The following SRSF4 variants were observed in gnomAD, a reference collection of about 807,000 sequenced individuals.
SRSF4 encodes serine and arginine rich splicing factor 4.
In SRSF4, 12 loss-of-function variants were observed where a neutral mutation model predicts 48.8. That is an observed-to-expected ratio of 0.25 (90% CI 0.16 to 0.40). The LOEUF (loss-of-function observed/expected upper bound fraction) is 0.40. Among genes scored for constraint, SRSF4 ranks in the 10% least tolerant of loss-of-function variants. The pLI is 1.00. For synonymous variants in SRSF4, 248 were observed against 232.5 expected (o/e 1.07, Z -0.61); for missense variants, 466 against 667.1 (o/e 0.70, Z 3.32).
At chr1:29,156,653 A>C (rs1243135455) in intron 3 of SRSF4, among the ~76,000 whole-genome samples, 2 of 152,178 alleles carry the variant, frequency 1.3e-5, no homozygotes, top group Non-Finnish European at 2.9e-5. Context: ...AAATCTGCTC[A>C]ATTATCTATT....
At chr1:29,162,840 G>C (rs1202362047) in intron 1 of SRSF4, among the ~76,000 whole-genome samples, 2 of 152,188 alleles carry the variant, frequency 1.3e-5, no homozygotes, top group Admixed American at 6.5e-5. Context: ...CTGGGCAGAG[G>C]GGGTGGTCAC....
chr1:29,181,492 T>C (rs1187639691), intron 1 of SRSF4, among the ~76,000 whole-genome samples, 154 bp downstream of exon 1: 1 of 152,152 alleles, frequency 6.6e-6, no homozygotes. Context: ...AACCGGGGCC[T>C]ACCCGCGCCC....
rs899314249 is a variant in SRSF4 at position 29,181,839 on chromosome 1, G to A, written c.-87C>T. The stretch of plus-strand genomic sequence containing the variant: ...GCGAGAGCACGGCGGCAGCGGCGGC[G>A]GCGGCAACGGGCGGGCGGCGGGACG... On this transcript the variant is annotated 5_prime_UTR_variant, in exon 1 of 6. Transcript: ENST00000373795. 239 of 1,082,892 alleles carry A rather than the reference G, an allele frequency of 2.2e-4. 1 individual carries two copies. In the East Asian group the frequency reaches 7.6e-3, roughly 34 times the overall value. The allele number at this position is 1,082,892 out of a possible 1,614,324, so 67.1% of individuals were successfully genotyped here.
chr1:29,181,313 A>C (rs2151830959), intron 1 of SRSF4, among the ~76,000 whole-genome samples: 1 of 152,300 alleles, frequency 6.6e-6, no homozygotes, highest in South Asian at 2.1e-4. Flanking sequence ...ATAGGGCCCC[A>C]GTTCCGGGCC....
intron 1 of SRSF4, among the ~76,000 whole-genome samples, chr1:29,181,389 C>G (rs1672953729): frequency 6.6e-6 from 1 of 152,218 alleles, no homozygotes; most frequent in Non-Finnish European, 1.5e-5. Flanking sequence ...GAGCACCAGC[C>G]CCACTCGGGC....
At chr1:29,167,967 C>A (rs1383451231) in intron 1 of SRSF4, among the ~76,000 whole-genome samples, 1 of 151,460 alleles carries the variant, frequency 6.6e-6, no homozygotes, top group East Asian at 1.9e-4. Flanking sequence ...GAACCCAGAC[C>A]CATGACTCTA....
chr1:29,149,053 T>C lies in SRSF4; in HGVS notation c.842A>G (p.Asp281Gly), dbSNP rs1255320935. 6 of 1,613,670 alleles carry C rather than the reference T, an allele frequency of 3.7e-6. No homozygotes were observed. Among genetic ancestry groups the C allele is most frequent in the Non-Finnish European group, 5.1e-6 (6 of 1,179,978 alleles). Residue 281 changes from aspartate (D) to glycine (G), a missense_variant, in exon 6 of 6, where the codon GAC becomes GGC. By Grantham distance (94) the Asp-to-Gly change is moderately conservative. Transcript: ENST00000373795. Reference protein sequence around the residue: ...DQAEEKIQNNDNVGKPKSRSP... With the variant: ...DQAEEKIQNNGNVGKPKSRSP... ...CCGGCTCTTGGGTTTCCCGACATTG[T>C]CATTGTTTTGGATCTTCTCTTCAGC... is the stretch of plus-strand genomic sequence containing the variant.
intron 1 of SRSF4, 144 bp from the exon 2 acceptor site, chr1:29,160,661 T>C: frequency 1.2e-6 from 1 of 860,658 alleles, no homozygotes; most frequent in Non-Finnish European, 1.7e-6. Context: ...TCTCTTCAGG[T>C]GAAACCACTT....
At chr1:29,165,145 A>G (rs906621004) in intron 1 of SRSF4, among the ~76,000 whole-genome samples, 10 of 152,170 alleles carry the variant, frequency 6.6e-5, no homozygotes, top group Non-Finnish European at 1.2e-4. Flanking sequence ...ACCTAGTCAA[A>G]AGAATGAGGG....
In SRSF4 at chr1:29,148,121, G is replaced by A. The variant is rs1672334420; in HGVS notation, c.*289C>T. On this transcript the variant is annotated 3_prime_UTR_variant, in exon 6 of 6. Transcript: ENST00000373795. ...GCCTTAGAGCCGTCCAGGTTACTGA[G>A]CTCCCTGTAGGAAAGGCCAGGCCTG... 1.8e-6 allele frequency: 1 copy of A among 569,468 alleles called. No homozygotes were observed. Among genetic ancestry groups the A allele is most frequent in the Admixed American group, 2.2e-5 (1 of 45,788 alleles). 35.3% of individuals were successfully genotyped at this position (569,468 alleles called of 1,614,324 possible). A position where few individuals can be genotyped will look rare whatever the true frequency, so the allele number is the denominator to read the frequency against.
chr1:29,154,605 A>T, intron 4 of SRSF4, 91 bp downstream of exon 4: 1 of 1,243,252 alleles, frequency 8.0e-7, no homozygotes, highest in Non-Finnish European at 1.1e-6. Context: ...TCATGTTATT[A>T]AGAACTCAAC....
intron 1 of SRSF4, 118 bp downstream of exon 1, chr1:29,181,528 C>A: frequency 1.1e-6 from 1 of 870,520 alleles, no homozygotes; most frequent in Non-Finnish European, 1.7e-6. Context: ...TATGGCGGAG[C>A]CTGGCCAGGC....
At position 29,149,043 on chromosome 1, in the gene SRSF4, C is replaced by A; in HGVS notation, c.852G>T (p.Gly284=). The change falls in exon 6 of 6, where the codon GGG becomes GGT. Residue 284 remains glycine (G), a synonymous_variant. Coordinates refer to ENST00000373795, the MANE Select transcript of SRSF4 (RefSeq NM_005626.5). ...EEKIQNNDNV[G]KPKSRSPSRH... is the part of the protein sequence containing the mutation. The stretch of plus-strand genomic sequence containing the variant: ...TGCTAGGACTCCGGCTCTTGGGTTT[C>A]CCGACATTGTCATTGTTTTGGATCT... The A allele has an allele frequency of 6.2e-7, 1 of 1,613,540 alleles. No homozygotes were observed. Among genetic ancestry groups the A allele is most frequent in the Non-Finnish European group, 8.5e-7 (1 of 1,179,926 alleles).
At chr1:29,155,407 G>A (rs1332901858) in intron 3 of SRSF4, among the ~76,000 whole-genome samples, 3 of 151,880 alleles carry the variant, frequency 2.0e-5, no homozygotes, top group Non-Finnish European at 4.4e-5. Context: ...CTCCAGCCTG[G>A]GGTACAGAGC....
intron 1 of SRSF4, among the ~76,000 whole-genome samples, chr1:29,178,888 ATT>A (rs1672911293): frequency 6.6e-6 from 1 of 152,170 alleles, no homozygotes. Context: ...CTCTGTAATG[ATT>A]CCTCAATGAT....
rs60942124 is a variant in SRSF4, at chr1:29,175,694, C to CAAAAAAAAAA, written c.107+5942_107+5951dup. Among the ~76,000 whole-genome samples the CAAAAAAAAAA allele has an allele frequency of 2.4e-3, 93 of 38,580 alleles. 6 individuals are homozygous for CAAAAAAAAAA. Among genetic ancestry groups the CAAAAAAAAAA allele is most frequent in the South Asian group, 0.017 (8 of 460 alleles). The allele number at this position is 38,580 out of a possible 152,430, so 25.3% of individuals were successfully genotyped here. A position where few individuals can be genotyped will look rare whatever the true frequency, so the allele number is the denominator to read the frequency against. ...TGGGCGACAGAGCCAGACGCTGTCT[C>CAAAAAAAAAA]AAAAAAAAAAAAAAAAAAAAAAAAA... On this transcript the variant is annotated intron_variant, in intron 1 of 5. Transcript: ENST00000373795.
chr1:29,154,077 G>C (rs756418606), intron 4 of SRSF4, among the ~76,000 whole-genome samples: 26 of 151,504 alleles, frequency 1.7e-4, no homozygotes, highest in Non-Finnish European at 3.5e-4. Flanking sequence ...TTTTGAGATG[G>C]AGTTTCGCTC....
Position 29,181,628 on chromosome 1 carries a change from C to A in SRSF4, c.107+18G>T, listed in dbSNP as rs1672960294. 10 of 1,573,118 alleles carry A rather than the reference C, an allele frequency of 6.4e-6. No homozygotes were observed. The highest frequency in any genetic ancestry group is 7.8e-6 in the Non-Finnish European group (9 of 1,160,294). On this transcript the variant is annotated intron_variant, in intron 1 of 5. Coordinates refer to ENST00000373795, the MANE Select transcript of SRSF4 (RefSeq NM_005626.5). ...GGGTCTGTCCCCGCCCGGCCGGACCCTCTTTCGCCCTCCTCACCCGTTCTT... is the reference window on the plus strand; with the variant it reads ...GGGTCTGTCCCCGCCCGGCCGGACCATCTTTCGCCCTCCTCACCCGTTCTT...
Position 29,148,866 on chromosome 1 carries a change from C to G in SRSF4, c.1029G>C (p.Arg343=), listed in dbSNP as rs571003211. ...RSRSKGGSRS[R]SRSRSKSKDK... is the part of the protein sequence containing the mutation. ...CCTTGCTCTTGCTGCGGCTCCTGCTCCGGCTCCTGCTGCCCCCTTTGCTCC... is the reference window on the plus strand; with the variant it reads ...CCTTGCTCTTGCTGCGGCTCCTGCTGCGGCTCCTGCTGCCCCCTTTGCTCC... The change falls in exon 6 of 6, where the codon CGG becomes CGC. Residue 343 remains arginine (R), a synonymous_variant. Transcript: ENST00000373795. 2 of 1,602,644 alleles carry G rather than the reference C, an allele frequency of 1.2e-6. No homozygotes were observed. Among genetic ancestry groups the G allele is most frequent in the Admixed American group, 1.7e-5 (1 of 59,108 alleles).
Sources: allele counts gnomAD v4.1 joint callset (sites outside exome capture counted in the v4.1 genomes callset), GRCh38; gene constraint gnomAD v4.1.1; transcripts MANE v1.5; gene names NCBI Gene and HGNC (gene_info 2026-07-23, HGNC 2026-07-21).